ITGA10: variants seen among roughly 807,000 people sequenced by gnomAD.
The protein encoded by ITGA10 is integrin subunit alpha 10.
ITGA10 carries 105 observed loss-of-function variants against 145.2 expected under a neutral mutation model. The ratio of observed to expected loss-of-function variants is 0.72; its 90% CI spans 0.62 to 0.85. ITGA10 has a LOEUF of 0.85. ITGA10 is among the 40% of genes least tolerant of loss of function. The probability of loss-of-function intolerance (pLI) is 0.00; values close to 1 mark genes in which losing one functional copy is unlikely to be tolerated. For synonymous variants in ITGA10, 506 were observed against 557.8 expected, an observed-to-expected ratio of 0.91 and a Z score of 1.31; for missense variants, 1,317 against 1,444.5, an observed-to-expected ratio of 0.91 and a Z score of 1.43.
intron 25 of ITGA10, 66 bp downstream of exon 25, chr1:145,895,917 G>A (rs1655331577): frequency 1.6e-6 from 2 of 1,266,760 alleles, no homozygotes; most frequent in East Asian, 2.3e-5. Flanking sequence ...CTGGTGTGGT[G>A]TCCAGCTTCA....
Position 145,897,840 on chromosome 1 carries a change from C to T in ITGA10, c.2407G>A (p.Val803Met). The T allele has an allele frequency of 6.2e-7, 1 of 1,614,130 alleles. No homozygotes were observed. Among genetic ancestry groups the T allele is most frequent in the South Asian group, 1.1e-5 (1 of 91,080 alleles). ...CTGGAGCCTCTGATGTCCATATTCA[C>T]TTGAAGCACCAGGTCTGTGACACAT... ...NECVTDLVLQ[V>M]NMDIRGSRKA... is the part of the protein sequence containing the mutation. The change falls in exon 19 of 30, where the codon GTG becomes ATG. Residue 803 changes from valine (V) to methionine (M), a missense_variant. Physicochemically the swap from Val to Met is conservative, Grantham distance 21. Coordinates refer to ENST00000369304, the MANE Select transcript of ITGA10 (RefSeq NM_003637.5).
intron 6 of ITGA10, 23 bp from the exon 7 acceptor site, chr1:145,904,223 TG>T (rs781987356): frequency 1.2e-6 from 2 of 1,613,010 alleles, no homozygotes; most frequent in East Asian, 4.5e-5. Context: ...CGCATTCAAA[TG>T]AAATGTATGT....
chr1:145,907,385 C>T lies in ITGA10; in HGVS notation c.133G>A (p.Val45Ile), dbSNP rs146922585. ...TGTCCACCCCCAACATGTTGTAAGA[C>T]ACTGTATCCAAATTCAGCTTCTGGT... ...GPPEAEFGYS[V>I]LQHVGGGQRW... The change falls in exon 2 of 30, where the codon GTC becomes ATC. Residue 45 changes from valine to isoleucine, a missense_variant. Physicochemically the swap from Val to Ile is conservative, Grantham distance 29. Transcript: ENST00000369304. The T allele has an allele frequency of 1.0e-4, 165 of 1,614,044 alleles. 1 individual carries two copies. Among genetic ancestry groups the T allele is most frequent in the Middle Eastern group, 9.9e-4 (6 of 6,084 alleles).
At chr1:145,895,864 C>T in intron 25 of ITGA10, 119 bp downstream of exon 25, 1 of 1,033,450 alleles carries the variant, frequency 9.7e-7, no homozygotes, top group Middle Eastern at 2.4e-4. Context: ...GAAAGCCCCC[C>T]AGAGAGAAGA....
chr1:145,902,765 C>T lies in ITGA10; in HGVS notation c.909+46G>A, dbSNP rs80315705. 7.6e-6 allele frequency: 12 copies of T among 1,578,672 alleles called. No individual in the cohort carries two copies. The African/African-American group carries it at 1.5e-4, about 19-fold the overall frequency. On this transcript the variant is annotated intron_variant, in intron 8 of 29. Transcript: ENST00000369304. ...CCTTGGACAGTTCACAAGACACTGC[C>T]CCCCTGCCACTCCCCAACTCTTCCA...
intron 15 of ITGA10, 76 bp downstream of exon 15, chr1:145,899,981 C>A: frequency 6.9e-7 from 1 of 1,454,228 alleles, no homozygotes; most frequent in Non-Finnish European, 9.2e-7. Context: ...ACCAAATCTC[C>A]ATCTGTGACT....
At chr1:145,904,312 A>G in intron 6 of ITGA10, 112 bp from the exon 7 acceptor site, 1 of 997,032 alleles carries the variant, frequency 1.0e-6, no homozygotes, top group Non-Finnish European at 1.5e-6. Context: ...ACTGAAGACA[A>G]CACCTACATT....
Position 145,893,654 on chromosome 1 carries a change from G to T in ITGA10, c.3229-19C>A. 1 of 1,589,382 alleles carries T rather than the reference G, an allele frequency of 6.3e-7. No individual in the cohort carries two copies. The highest frequency in any genetic ancestry group is 8.6e-7 in the Non-Finnish European group (1 of 1,160,312). ...ACTTGGCCTATGGAACAAGTGGATA[G>T]GAAGACATTTAAAATGAGCCATTAT... On this transcript the variant is annotated intron_variant, in intron 27 of 29. Coordinates refer to ENST00000369304, the MANE Select transcript of ITGA10 (RefSeq NM_003637.5).
intron 6 of ITGA10, 114 bp from the exon 7 acceptor site, chr1:145,904,314 AC>A (rs1227278953): frequency 2.1e-6 from 2 of 970,072 alleles, no homozygotes; most frequent in African/African-American, 3.2e-5. Context: ...TGAAGACAAC[AC>A]CTACATTTAT....
At chr1:145,900,251 C>G in intron 14 of ITGA10, 64 bp from the exon 15 acceptor site, 1 of 1,476,426 alleles carries the variant, frequency 6.8e-7, no homozygotes, top group Non-Finnish European at 9.1e-7. Flanking sequence ...GGCCTCCTGC[C>G]TTGCTCTTTC....
rs1197025420 is a variant in ITGA10, at chr1:145,907,437, T to A, written c.81A>T (p.Glu27Asp). Reference protein sequence around the residue: ...TGLCSPFNLDEHHPRLFPGPP... With the variant: ...TGLCSPFNLDDHHPRLFPGPP... ...GCCCTGGGAATAGGCGTGGGTGATG[T>A]TCATCCAGGTTAAAGGGGGAGCAGA... is the stretch of plus-strand genomic sequence containing the variant. The change falls in exon 2 of 30, where the codon GAA becomes GAT. Residue 27 changes from glutamate (E) to aspartate (D), a missense_variant. Transcript: ENST00000369304. 3 of 1,614,104 alleles carry A rather than the reference T, an allele frequency of 1.9e-6. No homozygotes were observed. Among genetic ancestry groups the A allele is most frequent in the Non-Finnish European group, 2.5e-6 (3 of 1,180,004 alleles).
rs782025142 is a variant in ITGA10, at chr1:145,906,425, C to T, written c.450G>A (p.Gln150=). Residue 150 remains glutamine, a synonymous_variant, in exon 5 of 30, where the codon CAG becomes CAA. Coordinates refer to ENST00000369304, the MANE Select transcript of ITGA10 (RefSeq NM_003637.5). ...GICARVDASF[Q]PQGSLAPTAQ... The stretch of plus-strand genomic sequence containing the variant: ...CAGTGGGTGCCAGGCTTCCCTGAGG[C>T]TGGAATGAAGCATCCACACGGGCAC... 1.2e-6 allele frequency: 2 copies of T among 1,614,072 alleles called. No homozygotes were observed. The highest frequency in any genetic ancestry group is 1.7e-6 in the Non-Finnish European group (2 of 1,180,012).
At chr1:145,906,974 A>G in intron 3 of ITGA10, 67 bp downstream of exon 3, 4 of 1,247,184 alleles carry the variant, frequency 3.2e-6, no homozygotes, top group South Asian at 1.4e-5. Flanking sequence ...GCTGAGGTAT[A>G]GGGAGTTGAA....
intron 9 of ITGA10, 24 bp from the exon 10 acceptor site, chr1:145,902,343 A>G (rs1656458128): frequency 6.2e-7 from 1 of 1,613,240 alleles, no homozygotes; most frequent in Non-Finnish European, 8.5e-7. Flanking sequence ...AAACATTGAG[A>G]CAATATCAGG....
intron 28 of ITGA10, 51 bp from the exon 29 acceptor site, chr1:145,893,325 C>G (rs1553743827): frequency 1.5e-6 from 2 of 1,295,576 alleles, no homozygotes; most frequent in South Asian, 2.4e-5. Context: ...ACCCAGCTAG[C>G]CTCACCCCAC....
chr1:145,899,741 C>T (rs142444569), intron 15 of ITGA10, among the ~76,000 whole-genome samples: 93 of 152,092 alleles, frequency 6.1e-4, no homozygotes, highest in African/African-American at 2.2e-3. Flanking sequence ...GAACTCCTGG[C>T]CTCAAATGAT....
Position 145,901,357 on chromosome 1 carries a change from A to G in ITGA10, c.1444-79T>C. The G allele has an allele frequency of 6.4e-7, 1 of 1,558,822 alleles. No homozygotes were observed. Among genetic ancestry groups the G allele is most frequent in the African/African-American group, 1.3e-5 (1 of 74,098 alleles). On this transcript the variant is annotated intron_variant, in intron 12 of 29. Coordinates refer to ENST00000369304, the MANE Select transcript of ITGA10 (RefSeq NM_003637.5). The surrounding 1 kb of genome is among the most constrained non-coding windows in gnomAD (Gnocchi z 4.3). ...CAAGTGGACTCAGTGGGAAGCACTCACCAGCCTGCTAGTCTGCTCCTTACA... is the reference window on the plus strand; with the variant it reads ...CAAGTGGACTCAGTGGGAAGCACTCGCCAGCCTGCTAGTCTGCTCCTTACA...
Position 145,907,559 on chromosome 1 carries a change from T to G in ITGA10, c.53-94A>C, listed in dbSNP as rs1657331348. ...GTGAGGAAGCGTCTTAATCTCAGTC[T>G]GCCTGCCTGCTTTTTCACTCATAAG... On this transcript the variant is annotated intron_variant, in intron 1 of 29. Transcript: ENST00000369304. 6.4e-6 allele frequency: 10 copies of G among 1,555,382 alleles called. No individual in the cohort carries two copies. The South Asian group carries it at 1.1e-4, about 17-fold the overall frequency.
Position 145,906,811 on chromosome 1 carries a change from C to G in ITGA10, c.288G>C (p.Leu96=). 1 of 1,613,168 alleles carries G rather than the reference C, an allele frequency of 6.2e-7. No homozygotes were observed. The highest frequency in any genetic ancestry group is 8.5e-7 in the Non-Finnish European group (1 of 1,179,288). ...TCACAGCAGGATGAGATGAATTTCC[C>G]AGTTGGTAGTCACCTGGTTGGAAGG... ...CAKGHLGDYQ[L]GNSSHPAVNM... The change falls in exon 4 of 30, where the codon CTG becomes CTC. Residue 96 remains leucine, a synonymous_variant. Coordinates refer to ENST00000369304, the MANE Select transcript of ITGA10 (RefSeq NM_003637.5).
Sources: allele counts gnomAD v4.1 joint callset (sites outside exome capture counted in the v4.1 genomes callset), GRCh38; gene constraint gnomAD v4.1.1; non-coding constraint Gnocchi (gnomAD v3.1); transcripts MANE v1.5; gene names NCBI Gene and HGNC (gene_info 2026-07-23, HGNC 2026-07-21).